Variants in RAPGEF6 observed in about 807,000 individuals in gnomAD.
RAPGEF6 encodes the protein Rap guanine nucleotide exchange factor 6, also known as PDZ domain containing guanine nucleotide exchange factor (GEF) 2.
In RAPGEF6, 56 loss-of-function variants were observed where a neutral mutation model predicts 171.4. The ratio of observed to expected loss-of-function variants is 0.33; its 90% CI spans 0.26 to 0.41. The LOEUF (loss-of-function observed/expected upper bound fraction) is 0.41, where lower values mean the gene tolerates loss of function less well. Among genes scored for constraint, RAPGEF6 ranks in the 10% least tolerant of loss-of-function variants. The pLI is 1.00. For synonymous variants in RAPGEF6, 692 were observed against 650.1 expected, an observed-to-expected ratio of 1.06 and a Z score of -0.98; for missense variants, 1,674 against 1,921.4, an observed-to-expected ratio of 0.87 and a Z score of 2.41.
chr5:131,602,592 C>T (rs1416405018), intron 3 of RAPGEF6, among the ~76,000 whole-genome samples: 3 of 152,130 alleles, frequency 2.0e-5, no homozygotes, highest in Non-Finnish European at 4.4e-5. Flanking sequence ...AAAACCTCAT[C>T]TCTACTAAAG....
chr5:131,431,140 T>C lies in RAPGEF6; in HGVS notation c.4184A>G (p.His1395Arg), dbSNP rs773348223. 1 of 1,614,172 alleles carries C rather than the reference T, an allele frequency of 6.2e-7. No homozygotes were observed. Among genetic ancestry groups the C allele is most frequent in the South Asian group, 1.1e-5 (1 of 91,084 alleles). Residue 1395 changes from histidine to arginine, a missense_variant, in exon 26 of 28, where the codon CAT becomes CGT. Around this residue, in one of 3 missense-constraint regions of RAPGEF6, gnomAD observed 552 missense variants for 574.2 expected, o/e 0.96. Transcript: ENST00000509018. Reference protein sequence around the residue: ...WDFLNSYRHTHLDDPIAEVEP... With the variant: ...WDFLNSYRHTRLDDPIAEVEP... The stretch of plus-strand genomic sequence containing the variant: ...AACTTCAGCAATGGGGTCATCCAAA[T>C]GGGTATGTCTGTAAGAGTTCAAAAA...
chr5:131,431,889 T>C (rs1751732303), intron 25 of RAPGEF6, among the ~76,000 whole-genome samples: 1 of 152,194 alleles, frequency 6.6e-6, no homozygotes, highest in Non-Finnish European at 1.5e-5. Context: ...ATTAGACTAC[T>C]GCGTCCATGC....
At chr5:131,625,801 G>C (rs1324618860) in intron 1 of RAPGEF6, among the ~76,000 whole-genome samples, 1 of 136,086 alleles carries the variant, frequency 7.3e-6, no homozygotes, top group African/African-American at 2.6e-5. Flanking sequence ...GGGTGACAGA[G>C]ACTCCGTCTC....
intron 7 of RAPGEF6, among the ~76,000 whole-genome samples, chr5:131,512,934 CA>C (rs1162298998): frequency 1.3e-5 from 2 of 152,200 alleles, no homozygotes; most frequent in East Asian, 3.9e-4. Flanking sequence ...TTTCCAGCCT[CA>C]AGAATAGTGA....
At chr5:131,441,250 A>C (rs1376894603) in intron 23 of RAPGEF6, among the ~76,000 whole-genome samples, 1 of 152,218 alleles carries the variant, frequency 6.6e-6, no homozygotes, top group Non-Finnish European at 1.5e-5. Context: ...AATACCACTT[A>C]TCTTGTGGCA....
At chr5:131,427,547 A>C (rs1424779802) in intron 27 of RAPGEF6, among the ~76,000 whole-genome samples, 1 of 152,214 alleles carries the variant, frequency 6.6e-6, no homozygotes, top group African/African-American at 2.4e-5. Flanking sequence ...TCAATAAAAC[A>C]ATCATTTCTC....
At chr5:131,634,103 C>T (rs1381077060) in intron 1 of RAPGEF6, among the ~76,000 whole-genome samples, 11 of 152,174 alleles carry the variant, frequency 7.2e-5, no homozygotes, top group African/African-American at 2.7e-4. Context: ...CTGAAAAACT[C>T]CAAAGTGAAG....
chr5:131,584,495 A>C (rs1447033104), intron 4 of RAPGEF6, among the ~76,000 whole-genome samples: 1 of 152,220 alleles, frequency 6.6e-6, no homozygotes, highest in Non-Finnish European at 1.5e-5. Context: ...AAAGCTAATG[A>C]AAGAAAGACC....
intron 1 of RAPGEF6, among the ~76,000 whole-genome samples, chr5:131,619,099 T>C (rs560440448): frequency 6.0e-5 from 9 of 149,426 alleles, no homozygotes; most frequent in South Asian, 2.1e-4. Flanking sequence ...GGTAACCAAA[T>C]GTAACGTAAC....
rs748628310 is a variant in RAPGEF6 at position 131,603,281 on chromosome 5, C to T, written c.187G>A (p.Val63Ile). ...ARYERYSGNQVLFCSETIARC... is the reference protein window; with the variant it reads ...ARYERYSGNQILFCSETIARC... The stretch of plus-strand genomic sequence containing the variant: ...TATGGAAATACTTACCAAAAGAGAA[C>T]CTGATTGCCACTGTATCTCTCATAG... Residue 63 changes from valine to isoleucine, a missense_variant, in exon 3 of 28, where the codon GTT (valine) becomes ATT (isoleucine). By Grantham distance (29) the Val-to-Ile change is conservative. Transcript: ENST00000509018. 1.3e-6 allele frequency: 2 copies of T among 1,584,284 alleles called. No homozygotes were observed. The highest frequency in any genetic ancestry group is 1.8e-5 in the Admixed American group (1 of 55,404).
At chr5:131,633,316 T>C (rs867194297) in intron 1 of RAPGEF6, among the ~76,000 whole-genome samples, 5 of 150,054 alleles carry the variant, frequency 3.3e-5, no homozygotes, top group African/African-American at 9.8e-5. Flanking sequence ...GCCTGGGCTA[T>C]AGAGGGAGAC....
At chr5:131,598,370 C>G (rs1245086333) in intron 3 of RAPGEF6, among the ~76,000 whole-genome samples, 5 of 152,048 alleles carry the variant, frequency 3.3e-5, no homozygotes, top group Non-Finnish European at 7.4e-5. Context: ...AAAGAGAAAA[C>G]AGGACAGAAG....
intron 16 of RAPGEF6, among the ~76,000 whole-genome samples, chr5:131,475,444 T>A (rs1755032427): frequency 6.6e-6 from 1 of 152,190 alleles, no homozygotes; most frequent in African/African-American, 2.4e-5. Flanking sequence ...CGCCAATATG[T>A]AAATAAAATA....
intron 3 of RAPGEF6, 141 bp downstream of exon 3, chr5:131,603,130 G>T (rs1580659660): frequency 4.8e-6 from 3 of 627,276 alleles, no homozygotes; most frequent in East Asian, 6.0e-5. Flanking sequence ...TGGATTCTAT[G>T]TATGTTATAT....
At chr5:131,441,129 G>A (rs927836616) in intron 23 of RAPGEF6, among the ~76,000 whole-genome samples, 3 of 152,160 alleles carry the variant, frequency 2.0e-5, no homozygotes, top group Non-Finnish European at 4.4e-5. Context: ...CAGCATACCT[G>A]TCTTCATTCT....
At chr5:131,606,133 T>C (rs921344037) in intron 1 of RAPGEF6, among the ~76,000 whole-genome samples, 2 of 145,766 alleles carry the variant, frequency 1.4e-5, no homozygotes, top group African/African-American at 5.2e-5. Flanking sequence ...GAGGCCAAGG[T>C]GGGTGGATCA....
intron 4 of RAPGEF6, among the ~76,000 whole-genome samples, chr5:131,585,657 C>T (rs1444695971): frequency 6.6e-6 from 1 of 152,098 alleles, no homozygotes; most frequent in Non-Finnish European, 1.5e-5. Flanking sequence ...GAAACCCCGT[C>T]TCTACTAAAA....
intron 7 of RAPGEF6, among the ~76,000 whole-genome samples, chr5:131,520,963 G>A (rs1321234669): frequency 1.3e-5 from 2 of 152,096 alleles, no homozygotes; most frequent in African/African-American, 4.8e-5. Context: ...TTTAATTCAC[G>A]CTAGACTACA....
At chr5:131,488,154 G>C (rs1193978912) in intron 15 of RAPGEF6, among the ~76,000 whole-genome samples, 1 of 152,078 alleles carries the variant, frequency 6.6e-6, no homozygotes, top group African/African-American at 2.4e-5. Context: ...CTAGGGTTCT[G>C]TTGGCCAACT....
Sources: gnomAD v4.1 joint callset for allele counts (sites outside exome capture counted in the v4.1 genomes callset) on GRCh38, gnomAD v4.1.1 for gene constraint, gnomAD v4.1.1 regional missense constraint, MANE v1.5 for transcripts, NCBI Gene and HGNC (gene_info 2026-07-23, HGNC 2026-07-21) for gene names.